PTPRD: variants seen among roughly 807,000 people sequenced by gnomAD.
The protein encoded by PTPRD is receptor-type tyrosine-protein phosphatase delta.
In PTPRD, 34 loss-of-function variants were observed where a neutral mutation model predicts 214.5. That is an observed-to-expected ratio of 0.16 (90% CI 0.12 to 0.21). The LOEUF is 0.21. Among genes scored for constraint, PTPRD ranks in the 10% least tolerant of loss-of-function variants. The pLI is 1.00. For synonymous variants in PTPRD, 1,128 were observed against 845.7 expected, an observed-to-expected ratio of 1.33 and a Z score of -5.79; for missense variants, 2,545 against 2,398.7, an observed-to-expected ratio of 1.06 and a Z score of -1.27.
At chr9:8,896,676 T>G (rs964844941) in intron 11 of PTPRD, among the ~76,000 whole-genome samples, 1 of 152,200 alleles carries the variant, frequency 6.6e-6, no homozygotes, top group African/African-American at 2.4e-5. Context: ...GTGACTTGAA[T>G]AGTTTCAGGT....
chr9:8,490,816 T>A (rs990953241), intron 27 of PTPRD, among the ~76,000 whole-genome samples: 2 of 152,190 alleles, frequency 1.3e-5, no homozygotes, highest in Non-Finnish European at 2.9e-5. Flanking sequence ...AAACAAGGTA[T>A]AATAAACAAA....
chr9:9,970,525 C>G (rs2095034951), intron 4 of PTPRD, among the ~76,000 whole-genome samples: 1 of 151,732 alleles, frequency 6.6e-6, no homozygotes, highest in East Asian at 1.9e-4. Flanking sequence ...TCAGACATGG[C>G]TCTTAGTGCA....
intron 12 of PTPRD, among the ~76,000 whole-genome samples, chr9:8,660,754 G>T (rs2097025950): frequency 6.6e-6 from 1 of 152,098 alleles, no homozygotes; most frequent in Non-Finnish European, 1.5e-5. Context: ...AAACCTCAAA[G>T]AAGTAAGGTT....
chr9:10,013,981 T>G (rs896733296), intron 4 of PTPRD, among the ~76,000 whole-genome samples: 1 of 151,980 alleles, frequency 6.6e-6, no homozygotes, highest in Non-Finnish European at 1.5e-5. Flanking sequence ...TCTAAACATG[T>G]GTTCTTTATT....
chr9:9,917,552 A>C (rs1042195411), intron 5 of PTPRD, among the ~76,000 whole-genome samples: 2 of 151,860 alleles, frequency 1.3e-5, no homozygotes, highest in African/African-American at 4.8e-5. Flanking sequence ...TATTCCAAAA[A>C]AATGAAGCAG....
At chr9:9,304,323 T>C (rs561066670) in intron 9 of PTPRD, among the ~76,000 whole-genome samples, 1 of 152,270 alleles carries the variant, frequency 6.6e-6, no homozygotes, top group South Asian at 2.1e-4. Context: ...AAAGTGATCA[T>C]GATAATCTTT....
intron 11 of PTPRD, among the ~76,000 whole-genome samples, chr9:8,990,751 G>C (rs1005245063): frequency 1.3e-5 from 2 of 152,102 alleles, no homozygotes; most frequent in African/African-American, 2.4e-5. Context: ...TCTGGAGAGA[G>C]GCTGCCCCAT....
chr9:10,418,821 T>G (rs1231741368), intron 2 of PTPRD, among the ~76,000 whole-genome samples: 1 of 151,970 alleles, frequency 6.6e-6, no homozygotes, highest in South Asian at 2.1e-4. Flanking sequence ...ACAACAGAGA[T>G]AAACAGCAGA....
At chr9:8,919,319 G>C (rs187841786) in intron 11 of PTPRD, among the ~76,000 whole-genome samples, 32 of 151,706 alleles carry the variant, frequency 2.1e-4, no homozygotes, top group Non-Finnish European at 4.1e-4. Flanking sequence ...CTTGAACCTG[G>C]GGGGTGGAGG....
chr9:9,242,900 G>C (rs1332314672), intron 9 of PTPRD, among the ~76,000 whole-genome samples: 5 of 152,074 alleles, frequency 3.3e-5, no homozygotes, highest in African/African-American at 1.2e-4. Context: ...CGTTCCTTTG[G>C]AGGAGAAGAG....
intron 9 of PTPRD, among the ~76,000 whole-genome samples, chr9:9,302,098 G>A (rs1285561704): frequency 6.6e-6 from 1 of 151,888 alleles, no homozygotes; most frequent in East Asian, 1.9e-4. Flanking sequence ...AAATGTCAAG[G>A]GTTATCTATA....
chr9:9,225,649 T>C (rs1287455934), intron 9 of PTPRD, among the ~76,000 whole-genome samples: 1 of 152,030 alleles, frequency 6.6e-6, no homozygotes, highest in East Asian at 1.9e-4. Context: ...CATAATCTTT[T>C]TCATGTAAAG....
chr9:9,612,215 G>C (rs1380296791), intron 7 of PTPRD, among the ~76,000 whole-genome samples: 1 of 151,608 alleles, frequency 6.6e-6, no homozygotes, highest in Non-Finnish European at 1.5e-5. Flanking sequence ...ATCTGTAGGG[G>C]GAATAAAAAA....
chr9:9,270,772 T>C (rs1382736732), intron 9 of PTPRD, among the ~76,000 whole-genome samples: 2 of 151,420 alleles, frequency 1.3e-5, no homozygotes, highest in Non-Finnish European at 3.0e-5. Flanking sequence ...TATCTTTAGA[T>C]GATGGTGTTT....
intron 3 of PTPRD, among the ~76,000 whole-genome samples, chr9:10,067,060 G>T (rs542215350): frequency 6.6e-6 from 1 of 151,880 alleles, no homozygotes; most frequent in South Asian, 2.1e-4. Flanking sequence ...CCGTGCTTAT[G>T]AGGGTGATGT....
chr9:9,639,323 T>C (rs556064427), intron 7 of PTPRD, among the ~76,000 whole-genome samples: 1 of 152,336 alleles, frequency 6.6e-6, no homozygotes, highest in Non-Finnish European at 1.5e-5. Flanking sequence ...GTTTATTAAA[T>C]ATTTACTGAG....
At chr9:8,832,032 T>A (rs2097302710) in intron 11 of PTPRD, among the ~76,000 whole-genome samples, 1 of 151,990 alleles carries the variant, frequency 6.6e-6, no homozygotes, top group African/African-American at 2.4e-5. Flanking sequence ...TGAAAAGTGT[T>A]TGCAACCTTC....
At chr9:9,768,718 G>A (rs772862933) in intron 5 of PTPRD, among the ~76,000 whole-genome samples, 1 of 152,104 alleles carries the variant, frequency 6.6e-6, no homozygotes, top group Non-Finnish European at 1.5e-5. Flanking sequence ...TTTTCCACAG[G>A]TCACATAAGA....
chr9:9,510,992 C>T (rs1010452346), intron 8 of PTPRD, among the ~76,000 whole-genome samples: 1 of 151,712 alleles, frequency 6.6e-6, no homozygotes, highest in Non-Finnish European at 1.5e-5. Context: ...CAGATAGCAA[C>T]ATTTCTGCCA....
Sources: gnomAD v4.1 joint callset for allele counts (sites outside exome capture counted in the v4.1 genomes callset) on GRCh38, gnomAD v4.1.1 for gene constraint, MANE v1.5 for transcripts, NCBI Gene and HGNC (gene_info 2026-07-23, HGNC 2026-07-21) for gene names.